The following GPC5 variants were observed in gnomAD, a reference collection of about 807,000 sequenced individuals.
The protein encoded by GPC5 is glypican-5.
A neutral mutation model predicts 53.9 loss-of-function variants in GPC5; 47 were observed. That is an observed-to-expected ratio of 0.87 (90% CI 0.69 to 1.11). The LOEUF is 1.11. GPC5 is among the 50% of genes most tolerant of loss of function. The pLI is 0.00. For missense variants in GPC5, 748 were observed against 713.1 expected, an observed-to-expected ratio of 1.05 and a Z score of -0.56; for synonymous variants, 286 against 263.3, an observed-to-expected ratio of 1.09 and a Z score of -0.84.
Position 91,466,411 on chromosome 13 carries a change from T to G in GPC5, c.325+17489T>G, listed in dbSNP as rs116318289. Among the ~76,000 whole-genome samples, 186 of 152,288 alleles carry G rather than the reference T, an allele frequency of 1.2e-3. 1 individual carries two copies. The highest frequency in any genetic ancestry group is 4.3e-3 in the African/African-American group (177 of 41,576). ...GGACGTTATGGTCCCAAGTTTTTTT[T>G]GTGACAGGAACAAACTTTACGTTTT... On this transcript the variant is annotated intron_variant, in intron 2 of 7. Transcript: ENST00000377067.
At chr13:92,480,524 C>T (rs1223480951) in intron 7 of GPC5, among the ~76,000 whole-genome samples, 1 of 152,150 alleles carries the variant, frequency 6.6e-6, no homozygotes, top group Non-Finnish European at 1.5e-5. Flanking sequence ...CTGAGTTATA[C>T]ATCTACTAAC....
intron 7 of GPC5, among the ~76,000 whole-genome samples, chr13:92,385,462 A>ATACATATACATATATACATACATATG (rs1566567602): frequency 9.0e-6 from 1 of 111,140 alleles, no homozygotes; most frequent in African/African-American, 3.3e-5. Context: ...ACATATATAC[A>ATACATATACATATATACATACATATG]CATATATACA....
intron 6 of GPC5, among the ~76,000 whole-genome samples, chr13:92,095,071 C>T (rs1233797367): frequency 6.6e-6 from 1 of 152,080 alleles, no homozygotes; most frequent in Non-Finnish European, 1.5e-5. Context: ...TGAGATTTTT[C>T]TGAGTTGGGA....
chr13:91,975,006 A>G (rs571506102), intron 6 of GPC5, among the ~76,000 whole-genome samples: 66 of 152,328 alleles, frequency 4.3e-4, no homozygotes, highest in Non-Finnish European at 7.9e-4. Context: ...CCTGACAAAA[A>G]CAAGCAATGG....
At chr13:91,884,605 G>C (rs114250855) in intron 5 of GPC5, among the ~76,000 whole-genome samples, 76 of 152,314 alleles carry the variant, frequency 5.0e-4, no homozygotes, top group African/African-American at 1.8e-3. Context: ...GAAGTGATAT[G>C]ATCTGAATTG....
intron 7 of GPC5, among the ~76,000 whole-genome samples, chr13:92,282,973 A>G (rs1338038638): frequency 6.6e-6 from 1 of 152,222 alleles, no homozygotes. Flanking sequence ...GTCAAGACCC[A>G]TCAGTGTGCT....
intron 7 of GPC5, among the ~76,000 whole-genome samples, chr13:92,264,868 CTCTCTCTCTCTG>C (rs1252397061): frequency 1.4e-4 from 16 of 117,466 alleles, no homozygotes; most frequent in African/African-American, 6.5e-4. Context: ...CTCTCTCTCT[CTCTCTCTCTCTG>C]TGTGTGTGTG....
intron 7 of GPC5, among the ~76,000 whole-genome samples, chr13:92,623,726 C>T (rs1411826442): frequency 6.6e-6 from 1 of 151,640 alleles, no homozygotes; most frequent in East Asian, 1.9e-4. Flanking sequence ...CATAACTAAA[C>T]ATCTAAAAAT....
intron 7 of GPC5, among the ~76,000 whole-genome samples, chr13:92,367,317 T>C (rs533658576): frequency 6.6e-6 from 1 of 152,302 alleles, no homozygotes; most frequent in East Asian, 1.9e-4. Flanking sequence ...AATATTTAAT[T>C]TTAATAAGCA....
chr13:92,497,456 G>T (rs188914657), intron 7 of GPC5, among the ~76,000 whole-genome samples: 1 of 152,046 alleles, frequency 6.6e-6, no homozygotes, highest in Non-Finnish European at 1.5e-5. Context: ...CTGTTCCATT[G>T]GTCTATATGT....
In GPC5 at chr13:92,682,145, A is replaced by G. The variant is rs542456670; in HGVS notation, c.1562-184137A>G. Among the ~76,000 whole-genome samples, 6 of 152,292 alleles carry G rather than the reference A, an allele frequency of 3.9e-5. No homozygotes were observed. In the South Asian group the frequency reaches 1.0e-3, roughly 26 times the overall value. On this transcript the variant is annotated intron_variant, in intron 7 of 7. Coordinates refer to ENST00000377067, the MANE Select transcript of GPC5 (RefSeq NM_004466.6). ...CCTATGTTTTGTCTCTACCTCTTAC[A>G]TTATAAATAGACTGATTCAACTGAA...
intron 2 of GPC5, among the ~76,000 whole-genome samples, chr13:91,604,604 T>C (rs1175714385): frequency 2.1e-5 from 3 of 142,308 alleles, no homozygotes; most frequent in African/African-American, 5.3e-5. Flanking sequence ...CCACATCCTC[T>C]CCAGCACCTG....
At chr13:92,466,749 T>C (rs979061421) in intron 7 of GPC5, among the ~76,000 whole-genome samples, 14 of 152,092 alleles carry the variant, frequency 9.2e-5, no homozygotes, top group Non-Finnish European at 2.1e-4. Context: ...AAGCAGTTGT[T>C]GGTGGTAGGA....
At chr13:92,536,768 T>A (rs933400102) in intron 7 of GPC5, among the ~76,000 whole-genome samples, 8 of 152,088 alleles carry the variant, frequency 5.3e-5, no homozygotes, top group African/African-American at 1.9e-4. Flanking sequence ...GGTATAAATT[T>A]AATTCAAAAA....
At position 92,059,078 on chromosome 13, in the gene GPC5, G is replaced by A. The variant is rs1169994410; in HGVS notation, c.1402-85752G>A. Among the ~76,000 whole-genome samples the A allele has an allele frequency of 2.6e-5, 4 of 152,160 alleles. No individual in the cohort carries two copies. The South Asian group carries it at 6.2e-4, about 24-fold the overall frequency. On this transcript the variant is annotated intron_variant, in intron 6 of 7. Coordinates refer to ENST00000377067, the MANE Select transcript of GPC5 (RefSeq NM_004466.6). Reference sequence around the variant, plus strand: ...AGAAGACTTGACCATTAGGATATGTGGTTGTTACTGAACTGTACTGTATAC... The same window carrying A: ...AGAAGACTTGACCATTAGGATATGTAGTTGTTACTGAACTGTACTGTATAC...
At chr13:91,684,688 C>A (rs2035582932) in intron 2 of GPC5, among the ~76,000 whole-genome samples, 1 of 152,164 alleles carries the variant, frequency 6.6e-6, no homozygotes, top group Non-Finnish European at 1.5e-5. Flanking sequence ...TTCACTCTTA[C>A]ACCCACCCAG....
chr13:92,339,221 C>T (rs2139245880), intron 7 of GPC5, among the ~76,000 whole-genome samples: 1 of 151,430 alleles, frequency 6.6e-6, no homozygotes, highest in Middle Eastern at 3.5e-3. Flanking sequence ...TATTTGATTA[C>T]AGCATTCTCT....
chr13:91,545,023 C>T (rs557014956), intron 2 of GPC5, among the ~76,000 whole-genome samples: 2 of 152,236 alleles, frequency 1.3e-5, no homozygotes, highest in African/African-American at 2.4e-5. Context: ...GGGCTATTCA[C>T]GACATGGTTG....
chr13:91,844,569 G>A (rs775309691), intron 5 of GPC5, among the ~76,000 whole-genome samples: 1 of 152,150 alleles, frequency 6.6e-6, no homozygotes, highest in African/African-American at 2.4e-5. Flanking sequence ...GCCACTGAGT[G>A]GGAATCTAGA....
Sources: gnomAD v4.1 joint callset for allele counts (sites outside exome capture counted in the v4.1 genomes callset) on GRCh38, gnomAD v4.1.1 for gene constraint, MANE v1.5 for transcripts, NCBI Gene and HGNC (gene_info 2026-07-23, HGNC 2026-07-21) for gene names.